The following ITGB8 variants were observed in gnomAD, a reference collection of about 807,000 sequenced individuals.
ITGB8 encodes integrin subunit beta 8, also known as integrin beta-8.
ITGB8 carries 30 observed loss-of-function variants against 89.5 expected under a neutral mutation model. The ratio of observed to expected loss-of-function variants is 0.34; its 90% CI spans 0.25 to 0.45. The LOEUF (loss-of-function observed/expected upper bound fraction) is 0.45. Among genes scored for constraint, ITGB8 ranks in the 20% least tolerant of loss-of-function variants. The pLI, the probability that ITGB8 is intolerant of heterozygous loss-of-function variation, is 1.00. For synonymous variants in ITGB8, 335 were observed against 320.4 expected, an observed-to-expected ratio of 1.05 and a Z score of -0.49; for missense variants, 836 against 933.3, an observed-to-expected ratio of 0.90 and a Z score of 1.36.
chr7:20,360,666 G>A (rs1383690582), intron 1 of ITGB8, among the ~76,000 whole-genome samples: 2 of 94,632 alleles, frequency 2.1e-5, no homozygotes, highest in African/African-American at 1.0e-4. Context: ...TTGCTGCAAA[G>A]GACATTATTT....
chr7:20,353,787 C>A (rs1303896179), intron 1 of ITGB8, among the ~76,000 whole-genome samples: 1 of 150,712 alleles, frequency 6.6e-6, no homozygotes, highest in East Asian at 1.9e-4. Context: ...CAAAAATTAG[C>A]CAGGCGTGGT....
chr7:20,359,389 G>A (rs1365229260), intron 1 of ITGB8, among the ~76,000 whole-genome samples: 1 of 152,210 alleles, frequency 6.6e-6, no homozygotes, highest in Non-Finnish European at 1.5e-5. Flanking sequence ...GCAAATAGCT[G>A]AACAAGCAGC....
Position 20,414,988 on chromosome 7 carries a change from TAAA to T in ITGB8, c.*4999_*5001del, listed in dbSNP as rs34332977. ...TAAAATTGTCTAATACAGCAATATTTAAAAAAAAAACACTGCAATTGTCAAGGA... is the reference window on the plus strand; with the variant it reads ...TAAAATTGTCTAATACAGCAATATTTAAAAAAACACTGCAATTGTCAAGGA... On this transcript the variant is annotated 3_prime_UTR_variant, in exon 14 of 14. Transcript: ENST00000222573. 1 of 151,370 alleles carries T rather than the reference TAAA, an allele frequency of 6.6e-6. No homozygotes were observed. The highest frequency in any genetic ancestry group is 1.5e-5 in the Non-Finnish European group (1 of 67,598). 9.4% of individuals were successfully genotyped at this position (151,370 alleles called of 1,614,324 possible).
At position 20,371,040 on chromosome 7, in the gene ITGB8, C is replaced by T. The variant is rs1040148160; in HGVS notation, c.388+3854C>T. On this transcript the variant is annotated intron_variant, in intron 3 of 13. Transcript: ENST00000222573. Reference sequence around the variant, plus strand: ...AATTAACTGTATGTGATAAGAAGAACAATATCACCAAACAAATAGGCTTAA... The same window carrying T: ...AATTAACTGTATGTGATAAGAAGAATAATATCACCAAACAAATAGGCTTAA... Among the ~76,000 whole-genome samples the T allele has an allele frequency of 2.6e-5, 4 of 152,160 alleles. No individual in the cohort carries two copies. In the Middle Eastern group the frequency reaches 0.01, roughly 388 times the overall value.
At chr7:20,408,489 A>C (rs1052314160) in intron 12 of ITGB8, among the ~76,000 whole-genome samples, 21 of 152,166 alleles carry the variant, frequency 1.4e-4, no homozygotes, top group African/African-American at 5.1e-4. Flanking sequence ...CTCACTGGAA[A>C]TTCTGACCCA....
intron 3 of ITGB8, among the ~76,000 whole-genome samples, chr7:20,369,274 A>G (rs965024991): frequency 3.9e-5 from 6 of 152,226 alleles, no homozygotes; most frequent in African/African-American, 1.2e-4. Context: ...TTTGGCTGCT[A>G]TAACAAAGTA....
chr7:20,396,721 C>T, intron 8 of ITGB8, among the ~76,000 whole-genome samples: 1 of 152,180 alleles, frequency 6.6e-6, no homozygotes, highest in East Asian at 1.9e-4. Context: ...TAAGAAACCA[C>T]TCTAAATTCT....
At chr7:20,341,004 T>C (rs545831789) in intron 1 of ITGB8, among the ~76,000 whole-genome samples, 2 of 152,308 alleles carry the variant, frequency 1.3e-5, no homozygotes, top group South Asian at 2.1e-4. Context: ...AAGGTATTCA[T>C]TGACTGCAAT....
intron 3 of ITGB8, among the ~76,000 whole-genome samples, chr7:20,373,409 T>A (rs1786014576): frequency 2.0e-5 from 3 of 152,208 alleles, no homozygotes; most frequent in African/African-American, 7.2e-5. Flanking sequence ...TCTCTAATTC[T>A]AATTCAGAAA....
rs537318817 is a variant in ITGB8 at position 20,389,344 on chromosome 7, T to C, written c.961-2059T>C. Among the ~76,000 whole-genome samples the C allele has an allele frequency of 2.0e-5, 3 of 152,316 alleles. 1 individual carries two copies. The highest frequency in any genetic ancestry group is 7.2e-5 in the African/African-American group (3 of 41,578). On this transcript the variant is annotated intron_variant, in intron 6 of 13. Transcript: ENST00000222573. ...CTAACTGGCCTGAGATGGTATCTCA[T>C]TGTGGTTTTGATTTGCATTTCTCTA... is the stretch of plus-strand genomic sequence containing the variant.
intron 3 of ITGB8, among the ~76,000 whole-genome samples, chr7:20,377,095 C>A (rs1178928383): frequency 6.6e-6 from 1 of 152,110 alleles, no homozygotes; most frequent in Non-Finnish European, 1.5e-5. Context: ...GAATAGCTTA[C>A]CTCCAAGGAC....
chr7:20,348,853 A>G (rs954675035), intron 1 of ITGB8, among the ~76,000 whole-genome samples: 11 of 152,228 alleles, frequency 7.2e-5, no homozygotes, highest in Admixed American at 3.9e-4. Flanking sequence ...CTGTTGGAAC[A>G]TTTCCCCAAG....
intron 3 of ITGB8, among the ~76,000 whole-genome samples, chr7:20,368,085 A>G (rs927867376): frequency 6.6e-6 from 1 of 152,092 alleles, no homozygotes; most frequent in Non-Finnish European, 1.5e-5. Context: ...GAACTGTGCT[A>G]TTTCTTCCAG....
At chr7:20,399,582 G>A (rs943881972) in intron 9 of ITGB8, among the ~76,000 whole-genome samples, 3 of 147,586 alleles carry the variant, frequency 2.0e-5, no homozygotes, top group African/African-American at 7.3e-5. Context: ...AAAAAAAATG[G>A]GATGTAAAGG....
chr7:20,343,447 T>C (rs1184172672), intron 1 of ITGB8, among the ~76,000 whole-genome samples: 3 of 152,218 alleles, frequency 2.0e-5, no homozygotes, highest in African/African-American at 7.2e-5. Context: ...CCTGTTCCAT[T>C]TCATAGCACT....
chr7:20,351,849 C>A (rs764292823), intron 1 of ITGB8, among the ~76,000 whole-genome samples: 5 of 151,046 alleles, frequency 3.3e-5, no homozygotes, highest in Non-Finnish European at 5.9e-5. Flanking sequence ...CCTCCTTAAC[C>A]ATGGCATTTG....
rs1343812759 is a variant in ITGB8 at position 20,411,545 on chromosome 7, T to C, written c.*1548T>C. The stretch of plus-strand genomic sequence containing the variant: ...ACACTCAAGTGATAAAGTGGCCACA[T>C]TGGAAAGGAGTTTTTATCTTCTCAT... On this transcript the variant is annotated 3_prime_UTR_variant, in exon 14 of 14. Transcript: ENST00000222573. 1 of 152,586 alleles carries C rather than the reference T, an allele frequency of 6.6e-6. No homozygotes were observed. Among genetic ancestry groups the C allele is most frequent in the Non-Finnish European group, 1.5e-5 (1 of 68,026 alleles). The allele number at this position is 152,586 out of a possible 1,614,324, so 9.5% of individuals were successfully genotyped here.
intron 3 of ITGB8, among the ~76,000 whole-genome samples, chr7:20,369,994 G>A (rs143494281): frequency 3.3e-5 from 5 of 151,652 alleles, no homozygotes; most frequent in Non-Finnish European, 7.4e-5. Flanking sequence ...AAAGAAAAAT[G>A]AATCCAGATG....
intron 1 of ITGB8, among the ~76,000 whole-genome samples, chr7:20,358,430 TG>T (rs1224975576): frequency 1.3e-5 from 2 of 152,256 alleles, no homozygotes; most frequent in East Asian, 1.9e-4. Flanking sequence ...TTTTTTTTTT[TG>T]TGAGTCACAA....
Sources: gnomAD v4.1 joint callset for allele counts (sites outside exome capture counted in the v4.1 genomes callset) on GRCh38, gnomAD v4.1.1 for gene constraint, MANE v1.5 for transcripts, NCBI Gene and HGNC (gene_info 2026-07-23, HGNC 2026-07-21) for gene names.